DCHS1: variants seen among roughly 807,000 people sequenced by gnomAD.
DCHS1 encodes dachsous cadherin-related 1, also known as protocadherin-16.
Under a neutral mutation model 213.9 loss-of-function variants are expected in DCHS1, and 78 were observed. The observed-to-expected ratio is 0.36, with a 90% CI of 0.30 to 0.44. DCHS1 has a LOEUF of 0.44. Ranked by LOEUF, DCHS1 falls within the 20% of genes least tolerant of loss-of-function variation. The probability of loss-of-function intolerance (pLI) is 1.00; values close to 1 mark genes in which losing one functional copy is unlikely to be tolerated. For synonymous variants in DCHS1, 1,828 were observed against 1,873.7 expected (o/e 0.98, Z 0.63); for missense variants, 3,946 against 4,395.9 (o/e 0.90, Z 2.89).
At position 6,640,446 on chromosome 11, in the gene DCHS1, CAG is replaced by C. The variant is rs1856052413; in HGVS notation, c.1166_1167del (p.Ser389CysfsTer6). On this transcript the variant is annotated frameshift_variant, in exon 2 of 21. Transcript: ENST00000299441. LOFTEE classifies it high-confidence loss of function. This position sits in a 1 kb window ranked among gnomAD's most constrained non-coding sequence, Gnocchi z 6.5. ...APPGQLVARI[S>X]VSDPDDGDFA... ...AAGTCACCATCATCTGGGTCTGACA[CAG>C]AGATGCGAGCAACGAGCTGTCCAGG... 6.2e-7 allele frequency: 1 copy of C among 1,613,774 alleles called. No homozygotes were observed. The highest frequency in any genetic ancestry group is 1.3e-5 in the African/African-American group (1 of 74,938).
intron 8 of DCHS1, 32 bp from the exon 9 acceptor site, chr11:6,631,242 G>C: frequency 6.2e-7 from 1 of 1,612,708 alleles, no homozygotes; most frequent in Non-Finnish European, 8.5e-7. Flanking sequence ...TGAGGGCTTG[G>C]GGCCCAGAGC....
At chr11:6,649,416 A>T (rs968880396) in intron 1 of DCHS1, among the ~76,000 whole-genome samples, 3 of 151,810 alleles carry the variant, frequency 2.0e-5, no homozygotes, top group Admixed American at 2.0e-4. Context: ...CAATGTTGAG[A>T]CAATTGTCAG....
At chr11:6,645,760 C>G (rs999523201) in intron 1 of DCHS1, among the ~76,000 whole-genome samples, 2 of 152,150 alleles carry the variant, frequency 1.3e-5, no homozygotes, top group African/African-American at 4.8e-5. Flanking sequence ...ACGGTGGACA[C>G]GCAAAGGTGC....
At chr11:6,635,355 A>G (rs1454466372) in intron 2 of DCHS1, 1 of 152,110 alleles carries the variant, frequency 6.6e-6, no homozygotes, top group Non-Finnish European at 1.5e-5. Flanking sequence ...CTTCTTTCAC[A>G]CTAAGTTTTA....
chr11:6,623,233 C>T lies in DCHS1; in HGVS notation c.8443G>A (p.Ala2815Thr), dbSNP rs145646294. 202 of 1,594,040 alleles carry T rather than the reference C, an allele frequency of 1.3e-4. No homozygotes were observed. The highest frequency in any genetic ancestry group is 1.7e-4 in the Non-Finnish European group (198 of 1,170,098). Residue 2815 changes from alanine (A) to threonine (T), a missense_variant, in exon 21 of 21, where the codon GCA becomes ACA. Coordinates refer to ENST00000299441, the MANE Select transcript of DCHS1 (RefSeq NM_003737.4). The stretch of plus-strand genomic sequence containing the variant: ...GGCACTTGGAAGTGGAAAGCTGGTG[C>T]CAGAAATACAGGGTCATACTCATCC... ...GEDEYDPVFL[A>T]PAFHFQVPEG...
In DCHS1 at chr11:6,621,451, C is replaced by T. The variant is rs61875879; in HGVS notation, c.*328G>A. On this transcript the variant is annotated 3_prime_UTR_variant, in exon 21 of 21. Transcript: ENST00000299441. Reference sequence around the variant, plus strand: ...GGTCCAAACATGTTGGAGGGACCTCCTCCATCCCCCTACCCCCAATAAATA... The same window carrying T: ...GGTCCAAACATGTTGGAGGGACCTCTTCCATCCCCCTACCCCCAATAAATA... 1 of 438,296 alleles carries T rather than the reference C, an allele frequency of 2.3e-6. No homozygotes were observed. The highest frequency in any genetic ancestry group is 4.3e-6 in the Non-Finnish European group (1 of 231,040). The allele number at this position is 438,296 out of a possible 1,614,324, so 27.2% of individuals were successfully genotyped here.
At chr11:6,650,357 G>GA (rs1856225645) in intron 1 of DCHS1, among the ~76,000 whole-genome samples, 1 of 152,218 alleles carries the variant, frequency 6.6e-6, no homozygotes, top group South Asian at 2.1e-4. Flanking sequence ...GGCAGTGGTT[G>GA]AAAGTGGCCT....
rs369991659 is a variant in DCHS1 at position 6,640,249 on chromosome 11, C to T, written c.1365G>A (p.Glu455=). The T allele has an allele frequency of 2.5e-6, 4 of 1,611,202 alleles. No homozygotes were observed. Among genetic ancestry groups the T allele is most frequent in the Non-Finnish European group, 3.4e-6 (4 of 1,178,718 alleles). ...TDSGSPPLRA[E]AAFVLHVTDV... ...CAGTGACGTGCAGCACAAAGGCAGC[C>T]TCAGCCCGCAGTGGAGGTGAGCCTG... Residue 455 remains glutamate (E), a synonymous_variant, in exon 2 of 21, where the codon GAG becomes GAA. Coordinates refer to ENST00000299441, the MANE Select transcript of DCHS1 (RefSeq NM_003737.4). The surrounding 1 kb of genome is among the most constrained non-coding windows in gnomAD (Gnocchi z 6.5).
chr11:6,630,451 T>C lies in DCHS1; in HGVS notation c.4343A>G (p.Asn1448Ser). ...RDPLALALPE[N>S]PEPGAALYTF... ...GTACAGCGCTGCGCCGGGCTCCGGG[T>C]TCTCTGGCAGCGCCAGCGCCAGCGG... is the stretch of plus-strand genomic sequence containing the variant. The change falls in exon 10 of 21, where the codon AAC (asparagine) becomes AGC (serine). Residue 1448 changes from asparagine to serine, a missense_variant. Asn to Ser is a conservative substitution (Grantham distance 46, BLOSUM62 1). Around this residue, in one of 3 missense-constraint regions of DCHS1, gnomAD observed 3,384 missense variants for 3,780.1 expected, o/e 0.90. Coordinates refer to ENST00000299441, the MANE Select transcript of DCHS1 (RefSeq NM_003737.4). 7 of 1,513,126 alleles carry C rather than the reference T, an allele frequency of 4.6e-6. No homozygotes were observed. The highest frequency in any genetic ancestry group is 6.2e-6 in the Non-Finnish European group (7 of 1,135,816). 93.7% of individuals were successfully genotyped at this position (1,513,126 alleles called of 1,614,324 possible).
Position 6,630,531 on chromosome 11 carries a change from T to A in DCHS1, c.4263A>T (p.Arg1421=). 6 of 1,534,548 alleles carry A rather than the reference T, an allele frequency of 3.9e-6. No homozygotes were observed. The highest frequency in any genetic ancestry group is 5.2e-6 in the Non-Finnish European group (6 of 1,147,288). Residue 1421 remains arginine, a synonymous_variant, in exon 10 of 21, where the codon CGA becomes CGT. Transcript: ENST00000299441. ...TCTCGTCCTGCACTTGCACCTGCAC[T>A]CGCAGCAGCCGCGCGCCCGCGCCTC... ...GPGGAGARLL[R]VQVQVQDENE... is the part of the protein sequence containing the mutation.
chr11:6,655,491 T>G (rs1199464675), intron 1 of DCHS1, 72 bp downstream of exon 1: 1 of 910,016 alleles, frequency 1.1e-6, no homozygotes, highest in African/African-American at 1.9e-5. Context: ...CCGCCGCCGC[T>G]GCCGCAGCCC....
In DCHS1 at chr11:6,639,814, C is replaced by G. The variant is rs751475611; in HGVS notation, c.1797+3G>C. 36 of 1,587,592 alleles carry G rather than the reference C, an allele frequency of 2.3e-5. No individual in the cohort carries two copies. The highest frequency in any genetic ancestry group is 4.0e-5 in the African/African-American group (3 of 74,582). ...TATCTTGCTATGTGCCAGGCCTACC[C>G]ACCTGCAGGAAGCAAGTTCCAGGCT... On this transcript the variant is annotated splice_donor_region_variant and intron_variant, in intron 2 of 20. Coordinates refer to ENST00000299441, the MANE Select transcript of DCHS1 (RefSeq NM_003737.4).
chr11:6,633,941 T>A lies in DCHS1; in HGVS notation c.2066A>T (p.Glu689Val). Residue 689 changes from glutamate to valine, a missense_variant, in exon 4 of 21, where the codon GAG becomes GTG. Transcript: ENST00000299441. ...CTGGGCACTTATACTGGCAGCATACTCCCGTGGATAAAACTGAGGAGGGTT... is the reference window on the plus strand; with the variant it reads ...CTGGGCACTTATACTGGCAGCATACACCCGTGGATAAAACTGAGGAGGGTT... ...NDNPPQFYPREYAASISAQSP... is the reference protein window; with the variant it reads ...NDNPPQFYPRVYAASISAQSP... 1 of 1,614,008 alleles carries A rather than the reference T, an allele frequency of 6.2e-7. No individual in the cohort carries two copies. The highest frequency in any genetic ancestry group is 8.5e-7 in the Non-Finnish European group (1 of 1,179,896).
rs776215370 is a variant in DCHS1, at chr11:6,639,786, C to G, written c.1797+31G>C. On this transcript the variant is annotated intron_variant, in intron 2 of 20. Transcript: ENST00000299441. The stretch of plus-strand genomic sequence containing the variant: ...CCCTGTGGCTCTCAGATTCCCCCAA[C>G]ACTATCTTGCTATGTGCCAGGCCTA... The G allele has an allele frequency of 3.9e-6, 6 of 1,539,786 alleles. No homozygotes were observed. In the East Asian group the frequency reaches 1.4e-4, roughly 35 times the overall value.
At chr11:6,636,355 G>A (rs1281928229) in intron 2 of DCHS1, among the ~76,000 whole-genome samples, 8 of 151,864 alleles carry the variant, frequency 5.3e-5, no homozygotes, top group East Asian at 1.9e-4. Flanking sequence ...GACTACAGGC[G>A]TGCACCACCA....
chr11:6,650,060 C>A (rs1470626679), intron 1 of DCHS1, among the ~76,000 whole-genome samples: 1 of 152,146 alleles, frequency 6.6e-6, no homozygotes, highest in Non-Finnish European at 1.5e-5. Context: ...CTAAGTCATC[C>A]AGGCCATAAA....
At chr11:6,649,391 AGAG>A (rs1856212676) in intron 1 of DCHS1, among the ~76,000 whole-genome samples, 1 of 151,738 alleles carries the variant, frequency 6.6e-6, no homozygotes, top group Non-Finnish European at 1.5e-5. Context: ...AGGGTGGGTG[AGAG>A]GAGGAGGAGC....
At chr11:6,636,832 T>C (rs965271368) in intron 2 of DCHS1, among the ~76,000 whole-genome samples, 1 of 152,198 alleles carries the variant, frequency 6.6e-6, no homozygotes, top group Non-Finnish European at 1.5e-5. Flanking sequence ...CCATCGTCTA[T>C]ACTTTCACTC....
In DCHS1 at chr11:6,630,876, G is replaced by C; in HGVS notation, c.3931-13C>G. On this transcript the variant is annotated splice_polypyrimidine_tract_variant and intron_variant, in intron 9 of 20. Coordinates refer to ENST00000299441, the MANE Select transcript of DCHS1 (RefSeq NM_003737.4). ...CTGAGGGAAGCACCTGTTGTGGACC[G>C]GGGAGGGAGAACAGAATTGTGAGGG... The C allele has an allele frequency of 2.7e-6, 4 of 1,508,206 alleles. No homozygotes were observed. Among genetic ancestry groups the C allele is most frequent in the East Asian group, 2.4e-5 (1 of 42,332 alleles). The allele number at this position is 1,508,206 out of a possible 1,614,324, so 93.4% of individuals were successfully genotyped here.
Sources: gnomAD v4.1 joint callset for allele counts (sites outside exome capture counted in the v4.1 genomes callset) on GRCh38, gnomAD v4.1.1 for gene constraint, gnomAD v4.1.1 regional missense constraint, Gnocchi (gnomAD v3.1) non-coding constraint, MANE v1.5 for transcripts, NCBI Gene and HGNC (gene_info 2026-07-23, HGNC 2026-07-21) for gene names.